Variants in APLP2 observed in about 807,000 individuals in gnomAD.
APLP2 encodes CDEI box-binding protein.
APLP2 carries 53 observed loss-of-function variants against 89.9 expected under a neutral mutation model. That is an observed-to-expected ratio of 0.59 (90% CI 0.47 to 0.74). The LOEUF (loss-of-function observed/expected upper bound fraction) is 0.74, where lower values mean the gene tolerates loss of function less well. Ranked by LOEUF, APLP2 falls within the 30% of genes least tolerant of loss-of-function variation. The pLI is 0.00. For synonymous variants in APLP2, 372 were observed against 348.6 expected (o/e 1.07, Z -0.75); for missense variants, 973 against 975.9 (o/e 1.00, Z 0.04).
Position 130,118,076 on chromosome 11 carries a change from C to CAAA in APLP2, c.404-2615_404-2613dup, listed in dbSNP as rs71061363. Among the ~76,000 whole-genome samples the CAAA allele has an allele frequency of 1.1e-3, 108 of 94,514 alleles. 2 individuals carry two copies. The highest frequency in any genetic ancestry group is 9.3e-3 in the East Asian group (33 of 3,566). The allele number at this position is 94,514 out of a possible 152,430, so 62.0% of individuals were successfully genotyped here. A position where few individuals can be genotyped will look rare whatever the true frequency, so the allele number is the denominator to read the frequency against. Reference sequence around the variant, plus strand: ...TGGGCAGCAGAGCGAGACTCCATCTCAAAAAAAAAAAAAAAAATAGTTGTT... The same window carrying CAAA: ...TGGGCAGCAGAGCGAGACTCCATCTCAAAAAAAAAAAAAAAAAAAATAGTTGTT... On this transcript the variant is annotated intron_variant, in intron 3 of 16. Coordinates refer to ENST00000338167, the MANE Select transcript of APLP2 (RefSeq NM_001142276.2).
chr11:130,096,625 G>A (rs1946243334), intron 1 of APLP2, among the ~76,000 whole-genome samples: 15 of 152,198 alleles, frequency 9.9e-5, no homozygotes, highest in Admixed American at 9.8e-4. Flanking sequence ...GGCCAAGGCA[G>A]GAGGATCACT....
chr11:130,104,715 G>A (rs575199360), intron 1 of APLP2, among the ~76,000 whole-genome samples: 3 of 152,160 alleles, frequency 2.0e-5, no homozygotes, highest in South Asian at 2.1e-4. Context: ...GTAGCTTCAC[G>A]TGCATTCATA....
At chr11:130,124,847 G>A (rs1451260391) in intron 7 of APLP2, among the ~76,000 whole-genome samples, 1 of 152,186 alleles carries the variant, frequency 6.6e-6, no homozygotes, top group Non-Finnish European at 1.5e-5. Flanking sequence ...AATAAACTTT[G>A]CGTTTTCAGG....
At position 130,123,891 on chromosome 11, in the gene APLP2, T is replaced by C; in HGVS notation, c.1090+112T>C. 2 of 1,231,798 alleles carry C rather than the reference T, an allele frequency of 1.6e-6. No individual in the cohort carries two copies. Among genetic ancestry groups the C allele is most frequent in the African/African-American group, 1.5e-5 (1 of 66,578 alleles). The allele number at this position is 1,231,798 out of a possible 1,614,324, so 76.3% of individuals were successfully genotyped here. A position where few individuals can be genotyped will look rare whatever the true frequency, so the allele number is the denominator to read the frequency against. On this transcript the variant is annotated intron_variant, in intron 7 of 16. Transcript: ENST00000338167. The surrounding 1 kb of genome is among the most constrained non-coding windows in gnomAD (Gnocchi z 4.0). ...TGGTGTCCCTGCCCACTCGGGTGTT[T>C]GCTGTCGGTCGTCTTCCCCTCATCT...
intron 1 of APLP2, among the ~76,000 whole-genome samples, chr11:130,104,279 G>T (rs1287173549): frequency 7.3e-6 from 1 of 137,474 alleles, no homozygotes; most frequent in East Asian, 2.3e-4. Flanking sequence ...GTGCAGTGGC[G>T]CAATCTCGGC....
At chr11:130,070,477 A>G in intron 1 of APLP2, 1 of 1,047,940 alleles carries the variant, frequency 9.5e-7, no homozygotes, top group Non-Finnish European at 1.2e-6. Context: ...GGCTTTCTCC[A>G]GGGGCGGCCC....
intron 1 of APLP2, among the ~76,000 whole-genome samples, chr11:130,078,013 T>C (rs758849421): frequency 2.0e-5 from 3 of 152,232 alleles, no homozygotes; most frequent in Non-Finnish European, 4.4e-5. Context: ...TAACTACCAC[T>C]GAGGTCAAGA....
intron 8 of APLP2, among the ~76,000 whole-genome samples, chr11:130,127,155 G>A (rs2136004833): frequency 6.7e-6 from 1 of 148,430 alleles, no homozygotes; most frequent in Non-Finnish European, 1.5e-5. Flanking sequence ...TAAAAAGCTA[G>A]TACCATTTGC....
intron 7 of APLP2, among the ~76,000 whole-genome samples, chr11:130,124,856 G>C (rs555606594): frequency 6.6e-6 from 1 of 152,346 alleles, no homozygotes; most frequent in South Asian, 2.1e-4. Context: ...TGCGTTTTCA[G>C]GAAAGATTTA....
chr11:130,117,948 G>A lies in APLP2; in HGVS notation c.404-2758G>A, dbSNP rs1949388877. Among the ~76,000 whole-genome samples the A allele has an allele frequency of 2.0e-5, 3 of 152,164 alleles. 1 individual carries two copies. The highest frequency in any genetic ancestry group is 2.0e-4 in the Admixed American group (3 of 15,286). Reference sequence around the variant, plus strand: ...AAAAATTAGACGGGCGTGGTGGCACGTGCCTGTAGTCCCAGCTACTTGGGA... The same window carrying A: ...AAAAATTAGACGGGCGTGGTGGCACATGCCTGTAGTCCCAGCTACTTGGGA... On this transcript the variant is annotated intron_variant, in intron 3 of 16. Transcript: ENST00000338167.
intron 3 of APLP2, 85 bp from the exon 4 acceptor site, chr11:130,120,621 A>G (rs565019411): frequency 2.6e-5 from 24 of 933,990 alleles, no homozygotes. Flanking sequence ...CTGGCTGTGT[A>G]GACTATCATC....
In APLP2 at chr11:130,135,712, G is replaced by A. The variant is rs1221644796; in HGVS notation, c.1834G>A (p.Glu612Lys). ...FHPFPALPEN[E>K]GSGVGEQDGG... ...CCCCTTCCCAGCCCTACCTGAGAAC[G>A]AAGGTGTGTATGGGCGACGGTGCCA... The change falls in exon 13 of 17, where the codon GAA (glutamate) becomes AAA (lysine). Residue 612 changes from glutamate (E) to lysine (K), a missense_variant. By Grantham distance (56) the Glu-to-Lys change is moderately conservative. Coordinates refer to ENST00000338167, the MANE Select transcript of APLP2 (RefSeq NM_001142276.2). 10 of 1,614,056 alleles carry A rather than the reference G, an allele frequency of 6.2e-6. No homozygotes were observed. The highest frequency in any genetic ancestry group is 2.2e-5 in the South Asian group (2 of 91,068).
chr11:130,091,737 C>T (rs1251253244), intron 1 of APLP2, among the ~76,000 whole-genome samples: 64 of 147,734 alleles, frequency 4.3e-4, no homozygotes, highest in African/African-American at 1.6e-3. Context: ...CCCCACCTCC[C>T]TCCCGGACGG....
rs192574045 is a variant in APLP2 at position 130,140,433 on chromosome 11, G to A, written c.1873G>A (p.Gly625Ser). 51 of 1,611,322 alleles carry A rather than the reference G, an allele frequency of 3.2e-5. 1 individual carries two copies. The Admixed American group carries it at 5.6e-4, about 18-fold the overall frequency. ...GGGAGAGCAGGATGGGGGACTGATC[G>A]GTGCCGAAGAGAAAGTGATTAACAG... ...GVGEQDGGLI[G>S]AEEKVINSKN... Residue 625 changes from glycine (G) to serine (S), a missense_variant, in exon 14 of 17, where the codon GGT (glycine) becomes AGT (serine). Transcript: ENST00000338167.
At chr11:130,078,027 A>G (rs989999566) in intron 1 of APLP2, among the ~76,000 whole-genome samples, 5 of 152,228 alleles carry the variant, frequency 3.3e-5, no homozygotes, top group Admixed American at 2.6e-4. Context: ...GTCAAGAAAT[A>G]AAACATGGCC....
intron 1 of APLP2, among the ~76,000 whole-genome samples, chr11:130,106,694 C>CT (rs5795686): frequency 0.1 from 15,325 of 147,650 alleles, 1,146 homozygotes; most frequent in African/African-American, 0.21. Context: ...GGTCAGATTC[C>CT]TTTTTTTTTT....
chr11:130,095,036 T>G (rs554372987), intron 1 of APLP2, among the ~76,000 whole-genome samples: 1 of 152,346 alleles, frequency 6.6e-6, no homozygotes, highest in African/African-American at 2.4e-5. Flanking sequence ...TAAAAGAAGA[T>G]GCAGTTGCTT....
intron 1 of APLP2, among the ~76,000 whole-genome samples, chr11:130,106,050 A>C (rs1947704274): frequency 6.6e-6 from 1 of 152,116 alleles, no homozygotes. Flanking sequence ...TTGCTGTTGT[A>C]ATGTTACTTC....
At chr11:130,091,484 G>T (rs1422683086) in intron 1 of APLP2, among the ~76,000 whole-genome samples, 5 of 125,508 alleles carry the variant, frequency 4.0e-5, no homozygotes, top group African/African-American at 1.3e-4. Flanking sequence ...GCGGCTGGCC[G>T]GGCGGAGGGC....
Sources: gnomAD v4.1 joint callset for allele counts (sites outside exome capture counted in the v4.1 genomes callset) on GRCh38, gnomAD v4.1.1 for gene constraint, Gnocchi (gnomAD v3.1) non-coding constraint, MANE v1.5 for transcripts, NCBI Gene and HGNC (gene_info 2026-07-23, HGNC 2026-07-21) for gene names.